The following PCBP3 variants were observed in gnomAD, a reference collection of about 807,000 sequenced individuals.
PCBP3 encodes the protein poly(rC) binding protein 3.
In PCBP3, 25 loss-of-function variants were observed where a neutral mutation model predicts 52.7. The observed-to-expected ratio is 0.47, with a 90% confidence interval of 0.35 to 0.66. The LOEUF is 0.66. Ranked by LOEUF, PCBP3 falls within the 30% of genes least tolerant of loss-of-function variation. The pLI is 0.01. For missense variants in PCBP3, 391 were observed against 490.3 expected, an observed-to-expected ratio of 0.80 and a Z score of 1.91; for synonymous variants, 162 against 183.0, an observed-to-expected ratio of 0.89 and a Z score of 0.93.
intron 2 of PCBP3, chr21:45,673,742 G>T (rs2081307087): frequency 6.6e-6 from 1 of 152,154 alleles, no homozygotes; most frequent in Non-Finnish European, 1.5e-5. Context: ...GAAGGTAAAT[G>T]ATTTATTTAG....
chr21:45,837,803 G>C lies in PCBP3; in HGVS notation c.-125-12158G>C, dbSNP rs541537086. 6.6e-6 allele frequency among the ~76,000 whole-genome samples: 1 copy of C among 152,228 alleles called. No homozygotes were observed. The highest frequency in any genetic ancestry group is 1.5e-5 in the Non-Finnish European group (1 of 68,038). The stretch of plus-strand genomic sequence containing the variant: ...GCTCCTTCACTGGTGCTGAGACTGA[G>C]GATTGAGCTTAGGGGGTCAGCCTGA... On this transcript the variant is annotated intron_variant, in intron 4 of 17. Transcript: ENST00000681687. This position sits in a 1 kb window ranked among gnomAD's most constrained non-coding sequence, Gnocchi z 4.1.
rs2077498599 is a variant in PCBP3 at position 45,941,879 on chromosome 21, C to G, written c.*173C>G. 7 of 472,796 alleles carry G rather than the reference C, an allele frequency of 1.5e-5. No homozygotes were observed. The South Asian group carries it at 3.0e-4, about 20-fold the overall frequency. The allele number at this position is 472,796 out of a possible 1,614,324, so 29.3% of individuals were successfully genotyped here. A position where few individuals can be genotyped will look rare whatever the true frequency, so the allele number is the denominator to read the frequency against. The stretch of plus-strand genomic sequence containing the variant: ...ACACACCCGCGCACACAGCTGCTCT[C>G]TACAGAGGCTGCAGGCTCCGCCGAG... On this transcript the variant is annotated 3_prime_UTR_variant, in exon 18 of 18. Coordinates refer to ENST00000681687, the MANE Select transcript of PCBP3 (RefSeq NM_001384156.1).
intron 9 of PCBP3, among the ~76,000 whole-genome samples, chr21:45,905,665 G>A (rs1278133798): frequency 2.6e-5 from 4 of 152,164 alleles, no homozygotes; most frequent in African/African-American, 7.2e-5. Context: ...TGCAGATGCC[G>A]TCTTCTTCCT....
intron 2 of PCBP3, among the ~76,000 whole-genome samples, chr21:45,681,933 A>G (rs767138): frequency 0.46 from 69,322 of 151,894 alleles, 16,215 homozygotes; most frequent in African/African-American, 0.5. Flanking sequence ...ATCTATAATA[A>G]CAGATATAAT....
rs1255154680 is a variant in PCBP3 at position 45,800,493 on chromosome 21, AG to A, written c.-126+45043del. Among the ~76,000 whole-genome samples the A allele has an allele frequency of 1.3e-5, 2 of 152,116 alleles. No homozygotes were observed. Among genetic ancestry groups the A allele is most frequent in the African/African-American group, 4.8e-5 (2 of 41,428 alleles). On this transcript the variant is annotated intron_variant, in intron 4 of 17. Coordinates refer to ENST00000681687, the MANE Select transcript of PCBP3 (RefSeq NM_001384156.1). This position sits in a 1 kb window ranked among gnomAD's most constrained non-coding sequence, Gnocchi z 5.3. ...ACAGGCGTGTTGTGGGCGTGTCCTG[AG>A]GTGTGTGCCTGACCTGACCCTGAGG...
intron 16 of PCBP3, among the ~76,000 whole-genome samples, chr21:45,936,154 T>C (rs1350876596): frequency 1.3e-5 from 2 of 152,214 alleles, no homozygotes; most frequent in African/African-American, 4.8e-5. Flanking sequence ...TTCATACAAG[T>C]TGACCATAGG....
chr21:45,833,506 ACTGT>A (rs1425800413), intron 4 of PCBP3, among the ~76,000 whole-genome samples: 1 of 152,170 alleles, frequency 6.6e-6, no homozygotes, highest in East Asian at 1.9e-4. Context: ...ATTCACAAAG[ACTGT>A]CTGGTTCCAG....
intron 2 of PCBP3, among the ~76,000 whole-genome samples, chr21:45,722,501 A>G (rs1187444144): frequency 6.6e-6 from 1 of 152,204 alleles, no homozygotes; most frequent in Non-Finnish European, 1.5e-5. Flanking sequence ...GATCTTTGAA[A>G]TGCAGAAGTT....
chr21:45,838,881 A>G (rs1488050606), intron 4 of PCBP3, among the ~76,000 whole-genome samples: 1 of 152,164 alleles, frequency 6.6e-6, no homozygotes, highest in African/African-American at 2.4e-5. Context: ...ATTATGTAAA[A>G]TACAAACATT....
intron 11 of PCBP3, among the ~76,000 whole-genome samples, chr21:45,912,958 C>G (rs1272400639): frequency 2.0e-5 from 3 of 152,204 alleles, no homozygotes; most frequent in Non-Finnish European, 4.4e-5. Flanking sequence ...GAGTGGCGCT[C>G]CCTGAGTGCT....
At chr21:45,860,322 C>G (rs1481568638) in intron 5 of PCBP3, among the ~76,000 whole-genome samples, 1 of 152,192 alleles carries the variant, frequency 6.6e-6, no homozygotes, top group African/African-American at 2.4e-5. Flanking sequence ...GAAATTTTCA[C>G]AGCAGCACCA....
chr21:45,752,399 G>A (rs992062768), intron 3 of PCBP3, among the ~76,000 whole-genome samples: 3 of 151,338 alleles, frequency 2.0e-5, no homozygotes, highest in African/African-American at 7.3e-5. Flanking sequence ...TTTGCTCATT[G>A]ATATTCAGCT....
chr21:45,742,013 G>A (rs552985009), intron 3 of PCBP3, among the ~76,000 whole-genome samples: 4 of 152,306 alleles, frequency 2.6e-5, no homozygotes, highest in African/African-American at 4.8e-5. Flanking sequence ...CAAAGTGTTC[G>A]ACCTTACCTA....
chr21:45,822,099 T>C (rs2093157101), intron 4 of PCBP3, among the ~76,000 whole-genome samples: 1 of 152,224 alleles, frequency 6.6e-6, no homozygotes, highest in African/African-American at 2.4e-5. Context: ...TCCCTCAACG[T>C]GTGACTATCA....
In PCBP3 at chr21:45,823,712, C is replaced by A. The variant is rs577201298; in HGVS notation, c.-125-26249C>A. On this transcript the variant is annotated intron_variant, in intron 4 of 17. Coordinates refer to ENST00000681687, the MANE Select transcript of PCBP3 (RefSeq NM_001384156.1). ...AAAGAGTGTGGCAAAGGACCCCAGGCAAAGTAGGTGTTTTTTTTTTATTTT... is the reference window on the plus strand; with the variant it reads ...AAAGAGTGTGGCAAAGGACCCCAGGAAAAGTAGGTGTTTTTTTTTTATTTT... Among the ~76,000 whole-genome samples, 20 of 137,484 alleles carry A rather than the reference C, an allele frequency of 1.5e-4. 1 individual carries two copies. Among genetic ancestry groups the A allele is most frequent in the Admixed American group, 1.4e-3 (19 of 13,182 alleles). The allele number at this position is 137,484 out of a possible 152,430, so 90.2% of individuals were successfully genotyped here.
At chr21:45,658,704 T>C (rs959288921) in intron 1 of PCBP3, among the ~76,000 whole-genome samples, 7 of 152,218 alleles carry the variant, frequency 4.6e-5, no homozygotes, top group South Asian at 2.1e-4. Context: ...ACTGGCCTTA[T>C]AGAATGAGTT....
chr21:45,803,890 T>G (rs1449320107), intron 4 of PCBP3, among the ~76,000 whole-genome samples: 1 of 152,116 alleles, frequency 6.6e-6, no homozygotes, highest in Non-Finnish European at 1.5e-5. Flanking sequence ...GGCTGCTGAG[T>G]CCCTTCCCAT....
chr21:45,914,442 T>A, intron 12 of PCBP3: 1 of 379,852 alleles, frequency 2.6e-6, no homozygotes, highest in East Asian at 4.9e-5. Context: ...AGGATGTGCT[T>A]GTAGCAGGGA....
At chr21:45,941,055 G>C (rs2077414832) in intron 17 of PCBP3, among the ~76,000 whole-genome samples, 1 of 152,230 alleles carries the variant, frequency 6.6e-6, no homozygotes, top group Admixed American at 6.5e-5. Flanking sequence ...GTGAGAGGCT[G>C]CCTGGAGAGG....
Sources: gnomAD v4.1 joint callset for allele counts (sites outside exome capture counted in the v4.1 genomes callset) on GRCh38, gnomAD v4.1.1 for gene constraint, Gnocchi (gnomAD v3.1) non-coding constraint, MANE v1.5 for transcripts, NCBI Gene and HGNC (gene_info 2026-07-23, HGNC 2026-07-21) for gene names.